The following SEZ6L variants were observed in gnomAD, a reference collection of about 807,000 sequenced individuals.
SEZ6L encodes the protein seizure 6-like protein.
SEZ6L carries 37 observed loss-of-function variants against 106.2 expected under a neutral mutation model. That is an observed-to-expected ratio of 0.35 (90% CI 0.27 to 0.46). The LOEUF (loss-of-function observed/expected upper bound fraction) is 0.46, where lower values mean the gene tolerates loss of function less well. Ranked by LOEUF, SEZ6L falls within the 20% of genes least tolerant of loss-of-function variation. The probability of loss-of-function intolerance (pLI) is 1.00; values close to 1 mark genes in which losing one functional copy is unlikely to be tolerated. For synonymous variants in SEZ6L, 541 were observed against 570.4 expected, an observed-to-expected ratio of 0.95 and a Z score of 0.73; for missense variants, 1,172 against 1,332.8, an observed-to-expected ratio of 0.88 and a Z score of 1.88.
chr22:26,342,533 C>CAAA (rs58902625), intron 10 of SEZ6L, among the ~76,000 whole-genome samples: 9 of 144,614 alleles, frequency 6.2e-5, no homozygotes, highest in African/African-American at 2.0e-4. Flanking sequence ...ACTAAAAATA[C>CAAA]AAAAAAAAAA....
At chr22:26,231,022 C>G (rs2078782344) in intron 1 of SEZ6L, among the ~76,000 whole-genome samples, 1 of 152,136 alleles carries the variant, frequency 6.6e-6, no homozygotes, top group Admixed American at 6.5e-5. Context: ...CTTGGCTTTG[C>G]CTAGGAAAGA....
At chr22:26,197,901 A>C (rs984974552) in intron 1 of SEZ6L, among the ~76,000 whole-genome samples, 2 of 152,106 alleles carry the variant, frequency 1.3e-5, no homozygotes. Context: ...GTAAATGGGC[A>C]ATCTGTGTAG....
intron 9 of SEZ6L, among the ~76,000 whole-genome samples, chr22:26,328,041 G>A (rs1443914078): frequency 2.6e-5 from 4 of 152,216 alleles, no homozygotes; most frequent in East Asian, 1.9e-4. Context: ...ATTGAGTGGG[G>A]AAATGGGGAA....
intron 1 of SEZ6L, among the ~76,000 whole-genome samples, chr22:26,240,088 A>T (rs915405138): frequency 8.6e-5 from 10 of 116,766 alleles, no homozygotes; most frequent in Non-Finnish European, 1.4e-4. Flanking sequence ...ACACACACAC[A>T]CACTCACACA....
intron 1 of SEZ6L, among the ~76,000 whole-genome samples, chr22:26,173,321 G>C (rs534710642): frequency 6.6e-6 from 1 of 152,178 alleles, no homozygotes; most frequent in African/African-American, 2.4e-5. Flanking sequence ...GTAAATATTG[G>C]GATAATTCAG....
intron 1 of SEZ6L, among the ~76,000 whole-genome samples, chr22:26,183,910 TA>T (rs1467397540): frequency 2.0e-5 from 3 of 152,174 alleles, no homozygotes; most frequent in African/African-American, 7.2e-5. Context: ...TAAAAATAAA[TA>T]GTCATTTCTT....
intron 1 of SEZ6L, among the ~76,000 whole-genome samples, chr22:26,265,768 G>T (rs1225495507): frequency 6.6e-6 from 1 of 152,156 alleles, no homozygotes; most frequent in Non-Finnish European, 1.5e-5. Context: ...TAAGGGCTTG[G>T]GTTTGTGGTC....
In SEZ6L at chr22:26,378,750, A is replaced by G. The variant is rs1483478296; in HGVS notation, c.3045+975A>G. Among the ~76,000 whole-genome samples the G allele has an allele frequency of 2.0e-5, 3 of 152,164 alleles. No individual in the cohort carries two copies. In the East Asian group the frequency reaches 5.8e-4, roughly 29 times the overall value. On this transcript the variant is annotated intron_variant, in intron 16 of 16. Coordinates refer to ENST00000248933, the MANE Select transcript of SEZ6L (RefSeq NM_021115.5). ...GCGAGGAAGCAAAAGGCTGGTTATGAGTTTGCAAAACCACCATCCTTCAAG... is the reference window on the plus strand; with the variant it reads ...GCGAGGAAGCAAAAGGCTGGTTATGGGTTTGCAAAACCACCATCCTTCAAG...
chr22:26,227,726 G>A (rs774271421), intron 1 of SEZ6L, among the ~76,000 whole-genome samples: 80 of 152,050 alleles, frequency 5.3e-4, no homozygotes, highest in African/African-American at 1.3e-3. Context: ...CCCTTTGTTC[G>A]TAGTACGATT....
rs529923258 is a variant in SEZ6L, at chr22:26,228,088, C to A, written c.94+58325C>A. Reference sequence around the variant, plus strand: ...CACTTGTCAATCACCTTCCATGAAGCAGCTAAGTGCTAGGATAACACAGGC... The same window carrying A: ...CACTTGTCAATCACCTTCCATGAAGAAGCTAAGTGCTAGGATAACACAGGC... On this transcript the variant is annotated intron_variant, in intron 1 of 16. Transcript: ENST00000248933. 2.0e-5 allele frequency among the ~76,000 whole-genome samples: 3 copies of A among 152,296 alleles called. No homozygotes were observed. In the East Asian group the frequency reaches 5.8e-4, roughly 29 times the overall value.
chr22:26,335,948 C>T (rs931780734), intron 9 of SEZ6L, among the ~76,000 whole-genome samples: 14 of 152,164 alleles, frequency 9.2e-5, no homozygotes, highest in African/African-American at 2.9e-4. Flanking sequence ...TGATGCCCCA[C>T]AGTGACCACT....
intron 1 of SEZ6L, among the ~76,000 whole-genome samples, chr22:26,290,248 T>C (rs554663230): frequency 3.3e-5 from 5 of 152,246 alleles, no homozygotes; most frequent in African/African-American, 1.2e-4. Flanking sequence ...AAATGACTAT[T>C]GGGCCGGGCG....
intron 9 of SEZ6L, among the ~76,000 whole-genome samples, chr22:26,337,783 G>A (rs2082691028): frequency 6.6e-6 from 1 of 152,092 alleles, no homozygotes. Flanking sequence ...AGATGTTTTG[G>A]GAGTAGCATA....
intron 16 of SEZ6L, among the ~76,000 whole-genome samples, chr22:26,378,775 G>A (rs1348721480): frequency 6.6e-6 from 1 of 152,178 alleles, no homozygotes. Context: ...CATCCTTCAA[G>A]TTCACTGTGT....
intron 1 of SEZ6L, among the ~76,000 whole-genome samples, chr22:26,233,804 A>C (rs761606904): frequency 6.6e-6 from 1 of 152,176 alleles, no homozygotes; most frequent in Non-Finnish European, 1.5e-5. Flanking sequence ...ATGGGGGAAG[A>C]GGGTAAATGT....
chr22:26,247,808 G>A (rs1405255193), intron 1 of SEZ6L, among the ~76,000 whole-genome samples: 3 of 152,112 alleles, frequency 2.0e-5, no homozygotes, highest in African/African-American at 7.2e-5. Context: ...ATGATATAGC[G>A]GAAATCTCAC....
At chr22:26,275,152 C>G (rs1360446737) in intron 1 of SEZ6L, among the ~76,000 whole-genome samples, 1 of 152,228 alleles carries the variant, frequency 6.6e-6, no homozygotes, top group African/African-American at 2.4e-5. Flanking sequence ...CTTTACTGCA[C>G]AGCAGTATAC....
chr22:26,232,817 T>G (rs1905490224), intron 1 of SEZ6L, among the ~76,000 whole-genome samples: 1 of 152,192 alleles, frequency 6.6e-6, no homozygotes, highest in South Asian at 2.1e-4. Flanking sequence ...GACACATGAC[T>G]GTATTTAACC....
At chr22:26,261,084 G>T (rs945077094) in intron 1 of SEZ6L, among the ~76,000 whole-genome samples, 3 of 151,862 alleles carry the variant, frequency 2.0e-5, no homozygotes, top group African/African-American at 4.8e-5. Context: ...GGGATTATTT[G>T]TTTTTTTCTT....
Sources: gnomAD v4.1 joint callset for allele counts (sites outside exome capture counted in the v4.1 genomes callset) on GRCh38, gnomAD v4.1.1 for gene constraint, MANE v1.5 for transcripts, NCBI Gene and HGNC (gene_info 2026-07-23, HGNC 2026-07-21) for gene names.